Variants in CUBN observed in about 807,000 individuals in gnomAD.
CUBN encodes cubilin.
CUBN carries 282 observed loss-of-function variants against 405.3 expected under a neutral mutation model. The observed-to-expected ratio is 0.70, with a 90% CI of 0.63 to 0.77. CUBN has a LOEUF of 0.77. CUBN is among the 30% of genes least tolerant of loss of function. The probability of loss-of-function intolerance (pLI) is 0.00; values close to 1 mark genes in which losing one functional copy is unlikely to be tolerated. For missense variants in CUBN, 4,514 were observed against 4,475.2 expected (o/e 1.01, Z -0.25); for synonymous variants, 1,684 against 1,617.0 (o/e 1.04, Z -0.99).
chr10:16,876,018 C>T (rs1053013166), intron 57 of CUBN, among the ~76,000 whole-genome samples: 3 of 152,104 alleles, frequency 2.0e-5, no homozygotes, highest in East Asian at 1.9e-4. Context: ...GTCAGGATGC[C>T]GATAGCAGCT....
intron 27 of CUBN, among the ~76,000 whole-genome samples, chr10:17,030,085 C>T (rs1360999915): frequency 6.6e-6 from 1 of 152,188 alleles, no homozygotes; most frequent in Non-Finnish European, 1.5e-5. Flanking sequence ...TTATGAGAAT[C>T]GAATGCCTGA....
chr10:16,899,430 G>A lies in CUBN; in HGVS notation c.8411-247C>T, dbSNP rs150571437. 1.1e-4 allele frequency among the ~76,000 whole-genome samples: 17 copies of A among 152,274 alleles called. No individual in the cohort carries two copies. The East Asian group carries it at 2.3e-3, about 21-fold the overall frequency. On this transcript the variant is annotated intron_variant, in intron 53 of 66. Transcript: ENST00000377833. The stretch of plus-strand genomic sequence containing the variant: ...TGAATTCAACCAAGAACACTAATCC[G>A]TGCCATAGAGAGGATAGATTTCCAT...
chr10:17,081,951 T>A (rs1426347968), intron 17 of CUBN, among the ~76,000 whole-genome samples: 5 of 134,998 alleles, frequency 3.7e-5, no homozygotes, highest in Non-Finnish European at 8.0e-5. Context: ...TGACCTCTCC[T>A]TCTGAATAAT....
chr10:16,927,005 A>G (rs1402488694), intron 41 of CUBN, among the ~76,000 whole-genome samples: 1 of 151,968 alleles, frequency 6.6e-6, no homozygotes, highest in Non-Finnish European at 1.5e-5. Context: ...CTGAGTCTCC[A>G]AAGTCCATTA....
At position 17,023,415 on chromosome 10, in the gene CUBN, T is replaced by C. The variant is rs139753237; in HGVS notation, c.4018-3432A>G. Among the ~76,000 whole-genome samples the C allele has an allele frequency of 1.7e-3, 265 of 152,136 alleles. 1 individual carries two copies. Among genetic ancestry groups the C allele is most frequent in the South Asian group, 0.01 (50 of 4,810 alleles). On this transcript the variant is annotated intron_variant, in intron 27 of 66. Coordinates refer to ENST00000377833, the MANE Select transcript of CUBN (RefSeq NM_001081.4). ...AAACTCATACCTCGTTTTTTAAAGTTTGCCGTTAATAAAATCAGGTTTTTT... is the reference window on the plus strand; with the variant it reads ...AAACTCATACCTCGTTTTTTAAAGTCTGCCGTTAATAAAATCAGGTTTTTT...
At position 17,104,551 on chromosome 10, in the gene CUBN, A is replaced by G. The variant is rs376969249; in HGVS notation, c.1285T>C (p.Cys429Arg). The change falls in exon 12 of 67, where the codon TGT becomes CGT. Residue 429 changes from cysteine (C) to arginine (R), a missense_variant. Cys to Arg is a radical substitution (Grantham distance 180). This residue lies in a region of CUBN where 1,448 missense variants were observed against 1,388.0 expected (regional missense o/e 1.04). Transcript: ENST00000377833. ...KCDSGWTGVN[C>R]TENINECLSN... Reference sequence around the variant, plus strand: ...AAACACTCATTGATGTTTTCTGTACAGTTGACACCTGTCCAACCTGAGTCA... The same window carrying G: ...AAACACTCATTGATGTTTTCTGTACGGTTGACACCTGTCCAACCTGAGTCA... 6.2e-7 allele frequency: 1 copy of G among 1,613,960 alleles called. No individual in the cohort carries two copies. Among genetic ancestry groups the G allele is most frequent in the Non-Finnish European group, 8.5e-7 (1 of 1,180,002 alleles).
At chr10:17,100,269 T>C in intron 13 of CUBN, 30 bp from the exon 14 acceptor site, 1 of 1,392,156 alleles carries the variant, frequency 7.2e-7, no homozygotes, top group East Asian at 2.3e-5. Context: ...ATATATTATC[T>C]TTTACTTCCA....
At chr10:16,832,361 G>C (rs138462018) in intron 64 of CUBN, among the ~76,000 whole-genome samples, 19 of 152,332 alleles carry the variant, frequency 1.2e-4, no homozygotes, top group Non-Finnish European at 2.6e-4. Flanking sequence ...GGTATCTTAA[G>C]TCACAAAGTT....
At chr10:16,947,469 A>G in intron 35 of CUBN, 102 bp from the exon 36 acceptor site, 8 of 1,206,816 alleles carry the variant, frequency 6.6e-6, no homozygotes, top group Non-Finnish European at 9.7e-6. Context: ...ATGTAAAAGA[A>G]TAGATAGTAT....
intron 51 of CUBN, 119 bp from the exon 52 acceptor site, chr10:16,901,578 G>A: frequency 1.5e-6 from 2 of 1,342,412 alleles, no homozygotes; most frequent in Non-Finnish European, 2.1e-6. Context: ...GTAAGGCCAG[G>A]CATGGTGGCT....
chr10:16,950,833 G>C (rs557005344), intron 33 of CUBN, among the ~76,000 whole-genome samples: 5 of 152,276 alleles, frequency 3.3e-5, no homozygotes, highest in African/African-American at 1.2e-4. Flanking sequence ...TGTGTTCCTC[G>C]CAGAAGCATT....
chr10:17,080,196 A>AT (rs1203758160), intron 17 of CUBN, among the ~76,000 whole-genome samples: 35 of 152,178 alleles, frequency 2.3e-4, no homozygotes, highest in African/African-American at 8.4e-4. Flanking sequence ...CAAGCCAATG[A>AT]TTATTTTGGA....
At chr10:17,084,241 A>T in intron 17 of CUBN, 30 bp downstream of exon 17, 1 of 1,609,220 alleles carries the variant, frequency 6.2e-7, no homozygotes, top group Admixed American at 1.7e-5. Flanking sequence ...GATGAATGTC[A>T]TCTAAGGGCG....
chr10:17,004,195 A>G (rs542358474), intron 28 of CUBN, among the ~76,000 whole-genome samples: 26 of 152,206 alleles, frequency 1.7e-4, no homozygotes, highest in Non-Finnish European at 3.5e-4. Flanking sequence ...TAGCCTTGCA[A>G]TAGGCACCTC....
intron 44 of CUBN, among the ~76,000 whole-genome samples, chr10:16,919,683 G>T (rs72773207): frequency 1.3e-5 from 2 of 152,096 alleles, no homozygotes; most frequent in Non-Finnish European, 2.9e-5. Flanking sequence ...ATTTCCTGTG[G>T]GAGGAAGAAT....
chr10:17,117,734 A>G (rs1429666133), intron 6 of CUBN, among the ~76,000 whole-genome samples: 1 of 152,032 alleles, frequency 6.6e-6, no homozygotes, highest in Non-Finnish European at 1.5e-5. Context: ...CCTGCTGAAG[A>G]ATCTTTAAAC....
chr10:17,080,158 T>C (rs1835936491), intron 17 of CUBN, among the ~76,000 whole-genome samples: 1 of 152,226 alleles, frequency 6.6e-6, no homozygotes, highest in African/African-American at 2.4e-5. Context: ...TCATTTTCTA[T>C]GTAGTCTTTC....
intron 5 of CUBN, 150 bp from the exon 6 acceptor site, chr10:17,123,048 T>A (rs974914623): frequency 1.1e-4 from 75 of 686,936 alleles, no homozygotes; most frequent in Non-Finnish European, 1.9e-4. Context: ...AACCCCTGGC[T>A]ATTCTTCCTC....
At chr10:17,078,421 G>C (rs1220152440) in intron 17 of CUBN, among the ~76,000 whole-genome samples, 40 of 152,058 alleles carry the variant, frequency 2.6e-4, no homozygotes. Context: ...CCTACATACA[G>C]GGTCTACAGA....
Sources: gnomAD v4.1 joint callset for allele counts (sites outside exome capture counted in the v4.1 genomes callset) on GRCh38, gnomAD v4.1.1 for gene constraint, gnomAD v4.1.1 regional missense constraint, MANE v1.5 for transcripts, NCBI Gene and HGNC (gene_info 2026-07-23, HGNC 2026-07-21) for gene names.